Variants in APBB2 observed in about 807,000 individuals in gnomAD.
APBB2 encodes amyloid beta precursor protein binding family B member 2, also known as Fe65-like 1.
Under a neutral mutation model 82.5 loss-of-function variants are expected in APBB2, and 38 were observed. The ratio of observed to expected loss-of-function variants is 0.46; its 90% CI spans 0.36 to 0.60. The LOEUF is 0.60. Ranked by LOEUF, APBB2 falls within the 20% of genes least tolerant of loss-of-function variation. APBB2 has a pLI of 0.00. For missense variants in APBB2, 772 were observed against 972.3 expected, an observed-to-expected ratio of 0.79 and a Z score of 2.74; for synonymous variants, 341 against 368.2, an observed-to-expected ratio of 0.93 and a Z score of 0.85.
intron 12 of APBB2, among the ~76,000 whole-genome samples, chr4:40,877,677 T>G (rs1409768216): frequency 6.6e-6 from 1 of 152,168 alleles, no homozygotes; most frequent in Non-Finnish European, 1.5e-5. Context: ...AGACCTGGTT[T>G]TAGGACCTCA....
intron 17 of APBB2, among the ~76,000 whole-genome samples, chr4:40,816,793 G>C (rs1234400953): frequency 1.3e-5 from 2 of 152,236 alleles, no homozygotes; most frequent in Admixed American, 6.5e-5. Context: ...AGTAATACTT[G>C]TAATGCTTGT....
At chr4:40,916,031 G>A (rs1004491284) in intron 10 of APBB2, among the ~76,000 whole-genome samples, 7 of 152,142 alleles carry the variant, frequency 4.6e-5, no homozygotes, top group East Asian at 3.9e-4. Context: ...GTCCCTGACC[G>A]ACTGGAACTC....
intron 1 of APBB2, among the ~76,000 whole-genome samples, chr4:41,188,075 G>A (rs993647852): frequency 2.8e-4 from 43 of 152,280 alleles, no homozygotes; most frequent in South Asian, 8.3e-4. Context: ...ACATTAAAGT[G>A]CCTATAAACT....
rs114515317 is a variant in APBB2 at position 41,119,426 on chromosome 4, C to T, written c.-260-18676G>A. Reference sequence around the variant, plus strand: ...GCTCCAAGTTCTCCAGCTTAATTCACTACATTTTAATTAACATACCCAGGA... The same window carrying T: ...GCTCCAAGTTCTCCAGCTTAATTCATTACATTTTAATTAACATACCCAGGA... On this transcript the variant is annotated intron_variant, in intron 2 of 17. Coordinates refer to ENST00000508593, the MANE Select transcript of APBB2 (RefSeq NM_004307.2). 2.8e-3 allele frequency among the ~76,000 whole-genome samples: 416 copies of T among 150,572 alleles called. 3 individuals carry two copies. Among genetic ancestry groups the T allele is most frequent in the African/African-American group, 9.2e-3 (377 of 40,888 alleles).
At chr4:40,927,858 G>A (rs867215591) in intron 10 of APBB2, among the ~76,000 whole-genome samples, 1 of 152,132 alleles carries the variant, frequency 6.6e-6, no homozygotes, top group African/African-American at 2.4e-5. Flanking sequence ...AAGTCTGAGC[G>A]GAGTTACACA....
rs191484435 is a variant in APBB2, at chr4:40,831,915, A to G, written c.1530-1338T>C. Among the ~76,000 whole-genome samples, 8 of 152,232 alleles carry G rather than the reference A, an allele frequency of 5.3e-5. No individual in the cohort carries two copies. The East Asian group carries it at 1.5e-3, about 29-fold the overall frequency. On this transcript the variant is annotated intron_variant, in intron 12 of 17. Transcript: ENST00000508593. Reference sequence around the variant, plus strand: ...GACATTACTTGGCTTCAAAAGAACCATGCGATACGACTGTATTTCTCAATG... The same window carrying G: ...GACATTACTTGGCTTCAAAAGAACCGTGCGATACGACTGTATTTCTCAATG...
intron 12 of APBB2, among the ~76,000 whole-genome samples, chr4:40,845,542 A>G (rs1370541592): frequency 6.3e-5 from 9 of 143,170 alleles, no homozygotes; most frequent in African/African-American, 2.3e-4. Context: ...AAATAACAGA[A>G]GTACCTGGCA....
intron 1 of APBB2, among the ~76,000 whole-genome samples, chr4:41,173,414 T>C (rs1768876172): frequency 6.6e-6 from 1 of 152,136 alleles, no homozygotes; most frequent in South Asian, 2.1e-4. Context: ...TCTTCAGAGA[T>C]AACTAGACAG....
chr4:40,980,995 G>A (rs1325790659), intron 6 of APBB2, among the ~76,000 whole-genome samples: 2 of 152,168 alleles, frequency 1.3e-5, no homozygotes, highest in African/African-American at 4.8e-5. Flanking sequence ...TCTCTGGGAT[G>A]AGACTCAGGG....
chr4:40,998,483 C>T (rs1190585777), intron 6 of APBB2, among the ~76,000 whole-genome samples: 1 of 152,028 alleles, frequency 6.6e-6, no homozygotes, highest in Non-Finnish European at 1.5e-5. Flanking sequence ...TTTGGTGTAA[C>T]ATCAAAAAAG....
At chr4:40,922,871 G>A (rs1781621305) in intron 10 of APBB2, among the ~76,000 whole-genome samples, 1 of 151,946 alleles carries the variant, frequency 6.6e-6, no homozygotes, top group Non-Finnish European at 1.5e-5. Context: ...ACCCCGCTCG[G>A]CCTCCCAAAG....
At chr4:41,049,696 G>A (rs1725225693) in intron 4 of APBB2, among the ~76,000 whole-genome samples, 1 of 152,252 alleles carries the variant, frequency 6.6e-6, no homozygotes, top group Non-Finnish European at 1.5e-5. Context: ...TAGAAAAGGG[G>A]GAAATGTGGG....
At position 41,014,360 on chromosome 4, in the gene APBB2, T is replaced by A. The variant is rs544306001; in HGVS notation, c.58A>T (p.Ser20Cys). 1 of 1,614,100 alleles carries A rather than the reference T, an allele frequency of 6.2e-7. No homozygotes were observed. Among genetic ancestry groups the A allele is most frequent in the East Asian group, 2.2e-5 (1 of 44,878 alleles). ...TTTGTGACGTCTGTAGTTCCGCTGC[T>A]GGCCATAAACACTGCCAAGGTGTCA... is the stretch of plus-strand genomic sequence containing the variant. ...GVDTLAVFMA[S>C]SGTTDVTNRN... The change falls in exon 6 of 18, where the codon AGC becomes TGC. Residue 20 changes from serine (S) to cysteine (C), a missense_variant. Transcript: ENST00000508593.
chr4:41,060,592 C>T (rs923219285), intron 4 of APBB2, among the ~76,000 whole-genome samples: 3 of 152,082 alleles, frequency 2.0e-5, no homozygotes, highest in Non-Finnish European at 4.4e-5. Flanking sequence ...GGAAATAGTA[C>T]TGGAGTTCAG....
intron 6 of APBB2, among the ~76,000 whole-genome samples, chr4:40,976,391 C>G (rs923677927): frequency 2.0e-5 from 3 of 152,258 alleles, no homozygotes; most frequent in African/African-American, 7.2e-5. Flanking sequence ...TAATGGAACT[C>G]ACTATGAGAA....
chr4:41,141,495 T>C (rs1376292595), intron 2 of APBB2, among the ~76,000 whole-genome samples: 1 of 152,186 alleles, frequency 6.6e-6, no homozygotes, highest in Non-Finnish European at 1.5e-5. Flanking sequence ...AGGTTTTCCC[T>C]AAGTCATAGA....
intron 6 of APBB2, among the ~76,000 whole-genome samples, chr4:40,957,741 G>A (rs971753114): frequency 5.9e-5 from 9 of 151,976 alleles, no homozygotes; most frequent in African/African-American, 1.2e-4. Context: ...CTACCACCAC[G>A]CCCGGCTAAT....
At chr4:40,981,010 C>T (rs1389655030) in intron 6 of APBB2, among the ~76,000 whole-genome samples, 1 of 152,142 alleles carries the variant, frequency 6.6e-6, no homozygotes, top group Non-Finnish European at 1.5e-5. Context: ...TCAGGGAATG[C>T]ACATTTATAA....
chr4:40,875,044 G>C (rs762541219), intron 12 of APBB2, among the ~76,000 whole-genome samples: 1 of 152,222 alleles, frequency 6.6e-6, no homozygotes, highest in African/African-American at 2.4e-5. Context: ...GGCACAGTCC[G>C]GTGCAGCTGG....
Sources: gnomAD v4.1 joint callset for allele counts (sites outside exome capture counted in the v4.1 genomes callset) on GRCh38, gnomAD v4.1.1 for gene constraint, MANE v1.5 for transcripts, NCBI Gene and HGNC (gene_info 2026-07-23, HGNC 2026-07-21) for gene names.